Variants in RBM47 observed in about 807,000 individuals in gnomAD.
RBM47 encodes the protein RNA-binding protein 47.
RBM47 carries 21 observed loss-of-function variants against 47.1 expected under a neutral mutation model. That is an observed-to-expected ratio of 0.45 (90% CI 0.32 to 0.64). The LOEUF is 0.64. Ranked by LOEUF, RBM47 falls within the 30% of genes least tolerant of loss-of-function variation. The pLI, the probability that RBM47 is intolerant of heterozygous loss-of-function variation, is 0.05. For missense variants in RBM47, 708 were observed against 870.9 expected (o/e 0.81, Z 2.35); for synonymous variants, 375 against 361.7 (o/e 1.04, Z -0.42).
intron 2 of RBM47, among the ~76,000 whole-genome samples, chr4:40,488,502 T>C (rs1220849893): frequency 6.6e-6 from 1 of 152,224 alleles, no homozygotes; most frequent in Admixed American, 6.5e-5. Flanking sequence ...TGTTCTCATA[T>C]CATCATTGTA....
At chr4:40,501,503 G>A (rs1289665560) in intron 2 of RBM47, among the ~76,000 whole-genome samples, 3 of 152,200 alleles carry the variant, frequency 2.0e-5, no homozygotes, top group South Asian at 2.1e-4. Context: ...CGTCTGCACC[G>A]TCTAATACAA....
At chr4:40,474,964 C>T (rs1416064890) in intron 2 of RBM47, among the ~76,000 whole-genome samples, 1 of 152,060 alleles carries the variant, frequency 6.6e-6, no homozygotes, top group Non-Finnish European at 1.5e-5. Context: ...TGCTCCACTG[C>T]CAGACAGAAA....
chr4:40,562,256 G>A (rs1730700242), intron 1 of RBM47, among the ~76,000 whole-genome samples: 1 of 152,100 alleles, frequency 6.6e-6, no homozygotes, highest in Admixed American at 6.6e-5. Flanking sequence ...TCTCTCAGAA[G>A]GAGTGGTCCT....
intron 1 of RBM47, among the ~76,000 whole-genome samples, chr4:40,620,044 A>G (rs1578082713): frequency 6.6e-6 from 1 of 151,746 alleles, no homozygotes; most frequent in South Asian, 2.1e-4. Context: ...CAAAAATACA[A>G]AAATTTGCCA....
At chr4:40,469,995 T>C (rs372005300) in intron 2 of RBM47, among the ~76,000 whole-genome samples, 1 of 152,204 alleles carries the variant, frequency 6.6e-6, no homozygotes, top group South Asian at 2.1e-4. Context: ...ATATGTTATG[T>C]TTGTCCTGTG....
chr4:40,454,809 A>G (rs911522458), intron 3 of RBM47, among the ~76,000 whole-genome samples: 3 of 152,162 alleles, frequency 2.0e-5, no homozygotes, highest in Non-Finnish European at 1.5e-5. Context: ...GCCCCTTTTT[A>G]AAGATCAGGA....
chr4:40,477,174 C>T (rs6447130), intron 2 of RBM47, among the ~76,000 whole-genome samples: 9,440 of 152,254 alleles, frequency 0.062, 648 homozygotes, highest in African/African-American at 0.17. Flanking sequence ...CACAGTGAGA[C>T]TCCGTCTCGA....
At chr4:40,568,185 G>A (rs967447598) in intron 1 of RBM47, among the ~76,000 whole-genome samples, 4 of 151,768 alleles carry the variant, frequency 2.6e-5, no homozygotes, top group African/African-American at 9.7e-5. Context: ...CAGCACTTTG[G>A]GAGGCGAAGG....
chr4:40,618,977 C>A (rs979406635), intron 1 of RBM47, among the ~76,000 whole-genome samples: 3 of 152,004 alleles, frequency 2.0e-5, no homozygotes, highest in African/African-American at 4.8e-5. Flanking sequence ...CAGATCAGAA[C>A]CCCCCATCCT....
intron 1 of RBM47, among the ~76,000 whole-genome samples, chr4:40,626,888 A>T (rs1476052156): frequency 6.6e-6 from 1 of 152,226 alleles, no homozygotes; most frequent in Non-Finnish European, 1.5e-5. Context: ...CAACAACTTG[A>T]GGTGGCAACT....
At chr4:40,596,812 G>A (rs542078203) in intron 1 of RBM47, among the ~76,000 whole-genome samples, 3 of 152,228 alleles carry the variant, frequency 2.0e-5, no homozygotes, top group African/African-American at 7.2e-5. Flanking sequence ...TGAGAAGAGA[G>A]AGAGAGAATC....
At chr4:40,574,624 C>A (rs1732117900) in intron 1 of RBM47, among the ~76,000 whole-genome samples, 1 of 152,066 alleles carries the variant, frequency 6.6e-6, no homozygotes, top group Non-Finnish European at 1.5e-5. Flanking sequence ...CTGAGGTGGG[C>A]AGATCACCTG....
intron 1 of RBM47, among the ~76,000 whole-genome samples, chr4:40,578,219 AATCCTTAAAGT>A (rs1431825411): frequency 6.6e-6 from 1 of 152,202 alleles, no homozygotes; most frequent in Non-Finnish European, 1.5e-5. Context: ...TCCCTGCTTT[AATCCTTAAAGT>A]AATCTGATGT....
chr4:40,437,090 A>AAAAAAAAAAAAAAAAATATATAT (rs1256296949), intron 4 of RBM47, among the ~76,000 whole-genome samples: 45 of 49,768 alleles, frequency 9.0e-4, no homozygotes, highest in Non-Finnish European at 1.2e-3. Flanking sequence ...AAAAAAAAAA[A>AAAAAAAAAAAAAAAAATATATAT]ATATATATAT....
At chr4:40,428,170 G>A (rs1437278814) in intron 6 of RBM47, among the ~76,000 whole-genome samples, 2 of 151,806 alleles carry the variant, frequency 1.3e-5, no homozygotes, top group Non-Finnish European at 2.9e-5. Context: ...TCCAGCCTGG[G>A]CAATGGAAGT....
At chr4:40,556,283 G>A (rs949893939) in intron 1 of RBM47, among the ~76,000 whole-genome samples, 4 of 152,008 alleles carry the variant, frequency 2.6e-5, no homozygotes, top group African/African-American at 4.8e-5. Flanking sequence ...TGATCTGCCC[G>A]CCTCAGCCTC....
In RBM47 at chr4:40,468,884, T is replaced by C. The variant is rs575408024; in HGVS notation, c.-154-2185A>G. 5.1e-4 allele frequency among the ~76,000 whole-genome samples: 77 copies of C among 152,330 alleles called. No individual in the cohort carries two copies. The East Asian group carries it at 0.012, about 24-fold the overall frequency. On this transcript the variant is annotated intron_variant, in intron 2 of 6. Coordinates refer to ENST00000295971, the MANE Select transcript of RBM47 (RefSeq NM_001098634.2). ...TAATACCTAGTAATCAAGATCATAG[T>C]GGTTGATAAAAACTACGAAAACGAA...
At chr4:40,575,283 T>C (rs970028829) in intron 1 of RBM47, among the ~76,000 whole-genome samples, 1 of 152,140 alleles carries the variant, frequency 6.6e-6, no homozygotes, top group Admixed American at 6.5e-5. Context: ...AAGCTGGGCG[T>C]GGTGGCTCAC....
chr4:40,622,385 C>T (rs527814091), intron 1 of RBM47, among the ~76,000 whole-genome samples: 3 of 152,116 alleles, frequency 2.0e-5, no homozygotes, highest in Non-Finnish European at 4.4e-5. Context: ...AGTGCAAAGG[C>T]CCTGTGGTAT....
Sources: gnomAD v4.1 joint callset for allele counts (sites outside exome capture counted in the v4.1 genomes callset) on GRCh38, gnomAD v4.1.1 for gene constraint, MANE v1.5 for transcripts, NCBI Gene and HGNC (gene_info 2026-07-23, HGNC 2026-07-21) for gene names.